The following SUSD4 variants were observed in gnomAD, a reference collection of about 807,000 sequenced individuals.
SUSD4 encodes the protein sushi domain containing 4, also known as sushi domain-containing protein 4.
A neutral mutation model predicts 50.5 loss-of-function variants in SUSD4; 41 were observed. The observed-to-expected ratio is 0.81, with a 90% confidence interval of 0.63 to 1.05. The LOEUF (loss-of-function observed/expected upper bound fraction) is 1.05, where lower values mean the gene tolerates loss of function less well. SUSD4 is among the 50% of genes least tolerant of loss of function. The probability of loss-of-function intolerance (pLI) is 0.00; values close to 1 mark genes in which losing one functional copy is unlikely to be tolerated. For synonymous variants in SUSD4, 257 were observed against 257.3 expected (o/e 1.00, Z 0.01); for missense variants, 580 against 634.7 (o/e 0.91, Z 0.93).
intron 2 of SUSD4, among the ~76,000 whole-genome samples, chr1:223,336,514 G>A (rs950987250): frequency 2.0e-4 from 31 of 152,324 alleles, no homozygotes; most frequent in African/African-American, 7.0e-4. Context: ...AGGACTGGAA[G>A]CACAGCACAG....
chr1:223,335,384 C>T (rs1034385099), intron 2 of SUSD4, among the ~76,000 whole-genome samples: 2 of 152,148 alleles, frequency 1.3e-5, no homozygotes, highest in African/African-American at 4.8e-5. Context: ...ACCTAAAATG[C>T]TATGCTTTGC....
chr1:223,353,513 T>C (rs1668482743), intron 2 of SUSD4, among the ~76,000 whole-genome samples: 1 of 152,068 alleles, frequency 6.6e-6, no homozygotes. Context: ...AACCAATGAA[T>C]GGCAAGGTTA....
chr1:223,278,780 C>T (rs1180457833), intron 3 of SUSD4, among the ~76,000 whole-genome samples: 2 of 152,100 alleles, frequency 1.3e-5, no homozygotes, highest in Non-Finnish European at 2.9e-5. Flanking sequence ...CAAGTGGGTC[C>T]CTGACCCCCA....
At chr1:223,259,156 TCAG>T (rs1244451345) in intron 5 of SUSD4, among the ~76,000 whole-genome samples, 1 of 152,224 alleles carries the variant, frequency 6.6e-6, no homozygotes, top group African/African-American at 2.4e-5. Context: ...TGCAAAATAC[TCAG>T]CATATAGGCA....
chr1:223,271,516 T>C (rs181276750), intron 3 of SUSD4, among the ~76,000 whole-genome samples: 4 of 152,226 alleles, frequency 2.6e-5, no homozygotes, highest in Admixed American at 6.5e-5. Context: ...GCCAATTTAC[T>C]ATGTGGGAGG....
chr1:223,308,425 A>C (rs569427677), intron 2 of SUSD4, among the ~76,000 whole-genome samples: 41 of 152,280 alleles, frequency 2.7e-4, no homozygotes, highest in African/African-American at 9.6e-4. Flanking sequence ...CCTCCCCAGA[A>C]GCCCAGCAGA....
Position 223,229,592 on chromosome 1 carries a change from C to A in SUSD4, c.725-204G>T. 5.8e-6 allele frequency: 3 copies of A among 515,916 alleles called. No homozygotes were observed. Among genetic ancestry groups the A allele is most frequent in the Non-Finnish European group, 1.0e-5 (3 of 296,408 alleles). 32.0% of individuals were successfully genotyped at this position (515,916 alleles called of 1,614,324 possible). On this transcript the variant is annotated intron_variant, in intron 5 of 8. Transcript: ENST00000366878. The surrounding 1 kb of genome is among the most constrained non-coding windows in gnomAD (Gnocchi z 4.7). ...GAAGCCTGCTGTAATATTCTGAGCACGTGCCGTTGTGACATGGCATTGTGA... is the reference window on the plus strand; with the variant it reads ...GAAGCCTGCTGTAATATTCTGAGCAAGTGCCGTTGTGACATGGCATTGTGA...
chr1:223,221,441 A>G lies in SUSD4; in HGVS notation c.*751T>C, dbSNP rs1011044794. 1 of 211,726 alleles carries G rather than the reference A, an allele frequency of 4.7e-6. No individual in the cohort carries two copies. Among genetic ancestry groups the G allele is most frequent in the African/African-American group, 2.3e-5 (1 of 43,980 alleles). The allele number at this position is 211,726 out of a possible 1,614,324, so 13.1% of individuals were successfully genotyped here. A position where few individuals can be genotyped will look rare whatever the true frequency, so the allele number is the denominator to read the frequency against. ...GTGTAAAAACCACCAGATTTACCCA[A>G]TGCCATGGATCCATGTGCCACACCA... On this transcript the variant is annotated 3_prime_UTR_variant, in exon 9 of 9. Transcript: ENST00000366878.
chr1:223,334,263 A>G (rs1467714052), intron 2 of SUSD4, among the ~76,000 whole-genome samples: 2 of 152,192 alleles, frequency 1.3e-5, no homozygotes, highest in Non-Finnish European at 2.9e-5. Context: ...AAAAGCTTCA[A>G]CAAAAAAACC....
At chr1:223,330,099 T>G (rs1207527806) in intron 2 of SUSD4, among the ~76,000 whole-genome samples, 1 of 152,198 alleles carries the variant, frequency 6.6e-6, no homozygotes, top group Admixed American at 6.5e-5. Context: ...TGCATGCTAC[T>G]ACAACCTCCT....
In SUSD4 at chr1:223,348,237, G is replaced by A. The variant is rs2138971; in HGVS notation, c.148+15041C>T. 7.2e-3 allele frequency among the ~76,000 whole-genome samples: 1,103 copies of A among 152,264 alleles called. 35 individuals carry two copies. In the East Asian group the frequency reaches 0.1, roughly 14 times the overall value. ...AACATGCTGAATTACAGAGATAACT[G>A]AGACAAAAGCACTGTTTTTGCCTGT... is the stretch of plus-strand genomic sequence containing the variant. On this transcript the variant is annotated intron_variant, in intron 2 of 8. Coordinates refer to ENST00000366878, the MANE Select transcript of SUSD4 (RefSeq NM_017982.4).
In SUSD4 at chr1:223,223,176, C is replaced by T. The variant is rs187678351; in HGVS notation, c.1444+73G>A. On this transcript the variant is annotated intron_variant, in intron 8 of 8. Coordinates refer to ENST00000366878, the MANE Select transcript of SUSD4 (RefSeq NM_017982.4). ...GTGCTGGGGGGTGGAGCGTGCGTAG[C>T]AAGGAGCTGGCTTGAAGATGCTGGT... is the stretch of plus-strand genomic sequence containing the variant. 2.4e-3 allele frequency: 3,615 copies of T among 1,493,232 alleles called. 10 individuals are homozygous for T. The highest frequency in any genetic ancestry group is 6.4e-3 in the Middle Eastern group (27 of 4,218). 92.5% of individuals were successfully genotyped at this position (1,493,232 alleles called of 1,614,324 possible).
At chr1:223,329,945 AATGGATGAATAG>A (rs1667087680) in intron 2 of SUSD4, among the ~76,000 whole-genome samples, 1 of 152,126 alleles carries the variant, frequency 6.6e-6, no homozygotes, top group South Asian at 2.1e-4. Flanking sequence ...TGGATGGATA[AATGGATGAATAG>A]ATGAACAAAC....
rs1401853335 is a variant in SUSD4 at position 223,264,814 on chromosome 1, G to A, written c.540C>T (p.Cys180=). The change falls in exon 5 of 9, where the codon TGC becomes TGT. Residue 180 remains cysteine (C), a synonymous_variant. Transcript: ENST00000366878. Reference sequence around the variant, plus strand: ...CATTAGAAGAGGCTAGAGGTCTCAGGCAGCCTGTGGAAGGTGAAAGAAAAA... The same window carrying A: ...CATTAGAAGAGGCTAGAGGTCTCAGACAGCCTGTGGAAGGTGAAAGAAAAA... The part of the protein sequence containing the change: ...TWNNLPICQG[C]LRPLASSNGY... 3.1e-6 allele frequency: 5 copies of A among 1,613,078 alleles called. No homozygotes were observed. Among genetic ancestry groups the A allele is most frequent in the Non-Finnish European group, 4.2e-6 (5 of 1,179,348 alleles).
At chr1:223,359,158 T>C (rs1232849016) in intron 2 of SUSD4, 1 of 470,962 alleles carries the variant, frequency 2.1e-6, no homozygotes, top group Admixed American at 2.3e-5. Flanking sequence ...CAAGCTCAGA[T>C]GATATTTTGC....
chr1:223,289,362 A>G (rs1664337279), intron 3 of SUSD4: 1 of 946,216 alleles, frequency 1.1e-6, no homozygotes, highest in Non-Finnish European at 1.3e-6. Context: ...TCAGACCTCT[A>G]TAAATTTAGT....
Position 223,332,831 on chromosome 1 carries a change from G to A in SUSD4, c.148+30447C>T, listed in dbSNP as rs556568268. ...CCTTTATGCCTACCTCCAGCTAAGC[G>A]GGTACTGGGGAGGGTGGGGACCATC... On this transcript the variant is annotated intron_variant, in intron 2 of 8. Coordinates refer to ENST00000366878, the MANE Select transcript of SUSD4 (RefSeq NM_017982.4). The surrounding 1 kb of genome is among the most constrained non-coding windows in gnomAD (Gnocchi z 4.0). Among the ~76,000 whole-genome samples the A allele has an allele frequency of 6.6e-6, 1 of 152,258 alleles. No individual in the cohort carries two copies. Among genetic ancestry groups the A allele is most frequent in the South Asian group, 2.1e-4 (1 of 4,814 alleles).
chr1:223,352,098 G>A (rs1668402454), intron 2 of SUSD4, among the ~76,000 whole-genome samples: 1 of 152,204 alleles, frequency 6.6e-6, no homozygotes, highest in Non-Finnish European at 1.5e-5. Flanking sequence ...ACTACATGGA[G>A]GAAATTGAGA....
Position 223,363,385 on chromosome 1 carries a change from A to G in SUSD4, c.41T>C (p.Leu14Pro). The stretch of plus-strand genomic sequence containing the variant: ...TTGCTGCTGCTGCTGCTGCTGCTCT[A>G]GAAATCCATCTCCATTGCTCGGGTT... ...GMNPSNGDGFLEQQQQQQQPQ... is the reference protein window; with the variant it reads ...GMNPSNGDGFPEQQQQQQQPQ... The change falls in exon 2 of 9, where the codon CTA (leucine) becomes CCA (proline). Residue 14 changes from leucine (L) to proline (P), a missense_variant. Transcript: ENST00000366878. 1.9e-6 allele frequency: 3 copies of G among 1,586,528 alleles called. No homozygotes were observed. Among genetic ancestry groups the G allele is most frequent in the South Asian group, 2.3e-5 (2 of 86,956 alleles).
Sources: allele counts gnomAD v4.1 joint callset (sites outside exome capture counted in the v4.1 genomes callset), GRCh38; gene constraint gnomAD v4.1.1; non-coding constraint Gnocchi (gnomAD v3.1); transcripts MANE v1.5; gene names NCBI Gene and HGNC (gene_info 2026-07-23, HGNC 2026-07-21).